The following FZR1 variants were observed in gnomAD, a reference collection of about 807,000 sequenced individuals.
FZR1 encodes fizzy and cell division cycle 20 related 1, also known as fizzy-related protein homolog.
Under a neutral mutation model 63.6 loss-of-function variants are expected in FZR1, and 11 were observed. The ratio of observed to expected loss-of-function variants is 0.17; its 90% CI spans 0.11 to 0.29. The LOEUF (loss-of-function observed/expected upper bound fraction) is 0.29. FZR1 is among the 10% of genes least tolerant of loss of function. The pLI, the probability that FZR1 is intolerant of heterozygous loss-of-function variation, is 1.00. For synonymous variants in FZR1, 328 were observed against 297.9 expected, an observed-to-expected ratio of 1.10 and a Z score of -1.04; for missense variants, 440 against 687.5, an observed-to-expected ratio of 0.64 and a Z score of 4.03.
chr19:3,524,550 A>C (rs1458873435), intron 2 of FZR1, among the ~76,000 whole-genome samples: 1 of 152,162 alleles, frequency 6.6e-6, no homozygotes, highest in African/African-American at 2.4e-5. Context: ...GGGAGATGTG[A>C]CAGCAGACGG....
At chr19:3,513,831 C>T (rs910355364) in intron 1 of FZR1, among the ~76,000 whole-genome samples, 6 of 152,150 alleles carry the variant, frequency 3.9e-5, no homozygotes, top group African/African-American at 1.4e-4. Flanking sequence ...TCCACTGGGC[C>T]AGGGTGGGGG....
chr19:3,525,176 C>T lies in FZR1; in HGVS notation c.70-692C>T, dbSNP rs1480157285. Reference sequence around the variant, plus strand: ...GCCTGCGTCTGTGATCATCTAGAGACGGTGAATGCATGGCACCTGCGCAGC... The same window carrying T: ...GCCTGCGTCTGTGATCATCTAGAGATGGTGAATGCATGGCACCTGCGCAGC... On this transcript the variant is annotated intron_variant, in intron 2 of 13. Transcript: ENST00000441788. The surrounding 1 kb of genome is among the most constrained non-coding windows in gnomAD (Gnocchi z 4.2). Among the ~76,000 whole-genome samples the T allele has an allele frequency of 5.9e-5, 9 of 152,112 alleles. No individual in the cohort carries two copies. In the South Asian group the frequency reaches 6.2e-4, roughly 10 times the overall value.
At chr19:3,518,013 T>C (rs903812475) in intron 1 of FZR1, among the ~76,000 whole-genome samples, 3 of 117,824 alleles carry the variant, frequency 2.5e-5, no homozygotes, top group East Asian at 2.0e-4. Flanking sequence ...GTTTCTTTCT[T>C]TTTTTTTTTT....
rs2083155209 is a variant in FZR1 at position 3,526,169 on chromosome 19, C to T, written c.245C>T (p.Ser82Leu). ...SQNRKAKDAT[S>L]DNGKDGLAYS... The stretch of plus-strand genomic sequence containing the variant: ...AACCGGAAAGCCAAGGACGCCACCT[C>T]AGACAACGGCAAAGGTTAGGGTCCC... Residue 82 changes from serine (S) to leucine (L), a missense_variant, in exon 4 of 14, where the codon TCA becomes TTA. By Grantham distance (145) the Ser-to-Leu change is moderately radical. Around this residue, in one of 5 missense-constraint regions of FZR1, gnomAD observed 200 missense variants for 245.1 expected, o/e 0.82. Transcript: ENST00000441788. This position sits in a 1 kb window ranked among gnomAD's most constrained non-coding sequence, Gnocchi z 5.4. 6.2e-7 allele frequency: 1 copy of T among 1,612,776 alleles called. No homozygotes were observed. The highest frequency in any genetic ancestry group is 8.5e-7 in the Non-Finnish European group (1 of 1,179,980).
chr19:3,529,749 C>CGGATGGGAGA (rs2083215175), intron 7 of FZR1, among the ~76,000 whole-genome samples: 1 of 82,632 alleles, frequency 1.2e-5, no homozygotes, highest in African/African-American at 5.4e-5. Flanking sequence ...GATGGGTGAG[C>CGGATGGGAGA]GCATGGGAGC....
chr19:3,529,832 A>G (rs112314702), intron 7 of FZR1, among the ~76,000 whole-genome samples: 926 of 66,168 alleles, frequency 0.014, 54 homozygotes, highest in African/African-American at 0.061. Context: ...GGGTGAGCGG[A>G]TGGGTGAGCG....
Position 3,516,899 on chromosome 19 carries a change from T to C in FZR1, c.-34-6057T>C, listed in dbSNP as rs1299098235. 6.6e-6 allele frequency among the ~76,000 whole-genome samples: 1 copy of C among 152,238 alleles called. No homozygotes were observed. Among genetic ancestry groups the C allele is most frequent in the Non-Finnish European group, 1.5e-5 (1 of 68,030 alleles). On this transcript the variant is annotated intron_variant, in intron 1 of 13. Coordinates refer to ENST00000441788, the MANE Select transcript of FZR1 (RefSeq NM_016263.4). This position sits in a 1 kb window ranked among gnomAD's most constrained non-coding sequence, Gnocchi z 6.0. ...AGCCATGTGCTGCTGGGCAGCGATG[T>C]GTGCCAGGGGCCGTGTGCAGCTGCA...
chr19:3,531,840 T>C, intron 9 of FZR1, 24 bp downstream of exon 9: 1 of 1,550,196 alleles, frequency 6.5e-7, no homozygotes, highest in Non-Finnish European at 8.7e-7. Flanking sequence ...GTCCCATGGC[T>C]GGTGAGCTCC....
rs543002870 is a variant in FZR1, at chr19:3,520,071, C to T, written c.-34-2885C>T. On this transcript the variant is annotated intron_variant, in intron 1 of 13. Transcript: ENST00000441788. ...TCCTGGGGCTCAGGTCTCTATAGAC[C>T]CTCTGGCTCCAGGCTCGGGAAATTG... Among the ~76,000 whole-genome samples, 19 of 152,326 alleles carry T rather than the reference C, an allele frequency of 1.2e-4. No homozygotes were observed. In the South Asian group the frequency reaches 3.7e-3, roughly 30 times the overall value.
Position 3,527,057 on chromosome 19 carries a change from C to T in FZR1, c.465C>T (p.Asn155=), listed in dbSNP as rs754880818. ...VSPYSLSPVS[N]KSQKLLRSPR... ...CCTACTCCCTGTCTCCCGTCAGCAA[C>T]AAGAGGTGGGTCCCAGCTTCCTCCG... Residue 155 remains asparagine, a synonymous_variant, in exon 6 of 14, where the codon AAC becomes AAT. Coordinates refer to ENST00000441788, the MANE Select transcript of FZR1 (RefSeq NM_016263.4). 6.2e-7 allele frequency: 1 copy of T among 1,608,384 alleles called. No homozygotes were observed. The highest frequency in any genetic ancestry group is 8.5e-7 in the Non-Finnish European group (1 of 1,175,822).
chr19:3,531,932 A>C lies in FZR1; in HGVS notation c.845A>C (p.Glu282Ala). Residue 282 changes from glutamate (E) to alanine (A), a missense_variant, in exon 10 of 14, where the codon GAG (glutamate) becomes GCG (alanine). This residue lies in a region of FZR1 where 208 missense variants were observed against 363.6 expected (regional missense o/e 0.57). Coordinates refer to ENST00000441788, the MANE Select transcript of FZR1 (RefSeq NM_016263.4). ...CCAGGGGCGCTGGCCTGGAATGCTG[A>C]GCAGCTGTCGTCCGGGAGCCGCGAC... ...ARVGALAWNA[E>A]QLSSGSRDRM... 1 of 1,595,634 alleles carries C rather than the reference A, an allele frequency of 6.3e-7. No homozygotes were observed. The highest frequency in any genetic ancestry group is 8.5e-7 in the Non-Finnish European group (1 of 1,174,096).
At position 3,515,275 on chromosome 19, in the gene FZR1, G is replaced by T. The variant is rs1217870838; in HGVS notation, c.-34-7681G>T. On this transcript the variant is annotated intron_variant, in intron 1 of 13. Transcript: ENST00000441788. The surrounding 1 kb of genome is among the most constrained non-coding windows in gnomAD (Gnocchi z 4.6). ...TGAGCCTTTCCACACGGCCACACACGTTGTCTGTGCTCAGGAATTACTTAA... is the reference window on the plus strand; with the variant it reads ...TGAGCCTTTCCACACGGCCACACACTTTGTCTGTGCTCAGGAATTACTTAA... Among the ~76,000 whole-genome samples the T allele has an allele frequency of 1.3e-5, 2 of 152,204 alleles. No homozygotes were observed. The highest frequency in any genetic ancestry group is 2.9e-5 in the Non-Finnish European group (2 of 68,034).
chr19:3,507,274 C>T (rs960961791), intron 1 of FZR1, among the ~76,000 whole-genome samples: 2 of 151,736 alleles, frequency 1.3e-5, no homozygotes, highest in Admixed American at 1.3e-4. Context: ...CTGCGTCCTG[C>T]CCCGTGTCTT....
chr19:3,534,761 G>A (rs1163164013), intron 13 of FZR1, 34 bp from the exon 14 acceptor site: 1 of 1,604,386 alleles, frequency 6.2e-7, no homozygotes. Context: ...TGGGCCTGCG[G>A]CTCAGCGCAT....
rs1232079170 is a variant in FZR1 at position 3,526,619 on chromosome 19, T to C, written c.387+233T>C. Among the ~76,000 whole-genome samples, 3 of 152,184 alleles carry C rather than the reference T, an allele frequency of 2.0e-5. No homozygotes were observed. The highest frequency in any genetic ancestry group is 4.4e-5 in the Non-Finnish European group (3 of 68,022). On this transcript the variant is annotated intron_variant, in intron 5 of 13. Transcript: ENST00000441788. The surrounding 1 kb of genome is among the most constrained non-coding windows in gnomAD (Gnocchi z 5.4). ...GTGCGGGAGGAATCCAGGCTCAGCC[T>C]GTTGGGCTTTTTCTCCCCACACCAA...
At chr19:3,531,689 G>C (rs997471622) in intron 8 of FZR1, 25 bp from the exon 9 acceptor site, 41 of 1,500,500 alleles carry the variant, frequency 2.7e-5, no homozygotes, top group Non-Finnish European at 3.7e-5. Flanking sequence ...TGACACCGGT[G>C]CTCTGCCCAT....
rs1392304854 is a variant in FZR1, at chr19:3,529,801, GGAGTGGATGGTT to G, written c.655-980_655-969del. Reference sequence around the variant, plus strand: ...GCGAGAGTGGATGAGAGTGGTTGAGGGAGTGGATGGTTGAGTGGATGGGTGAGCGGATGGGTG... The same window carrying G: ...GCGAGAGTGGATGAGAGTGGTTGAGGGAGTGGATGGGTGAGCGGATGGGTG... On this transcript the variant is annotated intron_variant, in intron 7 of 13. Coordinates refer to ENST00000441788, the MANE Select transcript of FZR1 (RefSeq NM_016263.4). 1.4e-3 allele frequency among the ~76,000 whole-genome samples: 183 copies of G among 132,202 alleles called. 10 individuals carry two copies. The highest frequency in any genetic ancestry group is 4.6e-3 in the African/African-American group (150 of 32,384). The allele number at this position is 132,202 out of a possible 152,430, so 86.7% of individuals were successfully genotyped here.
chr19:3,521,447 A>T (rs2083100613), intron 1 of FZR1: 1 of 151,464 alleles, frequency 6.6e-6, no homozygotes, highest in Admixed American at 6.6e-5. Context: ...AGTTCTAGAG[A>T]TGACCGTGGT....
Position 3,525,327 on chromosome 19 carries a change from G to C in FZR1, c.70-541G>C, listed in dbSNP as rs1285820709. ...ACCCTCCTGCCTGGCAGCGTTGGGA[G>C]GCTGAGCCTGCCCGTGGGCCTGGCA... On this transcript the variant is annotated intron_variant, in intron 2 of 13. Coordinates refer to ENST00000441788, the MANE Select transcript of FZR1 (RefSeq NM_016263.4). The surrounding 1 kb of genome is among the most constrained non-coding windows in gnomAD (Gnocchi z 4.2). 6.6e-6 allele frequency among the ~76,000 whole-genome samples: 1 copy of C among 152,064 alleles called. No homozygotes were observed. The highest frequency in any genetic ancestry group is 2.4e-5 in the African/African-American group (1 of 41,404).
Sources: gnomAD v4.1 joint callset for allele counts (sites outside exome capture counted in the v4.1 genomes callset) on GRCh38, gnomAD v4.1.1 for gene constraint, gnomAD v4.1.1 regional missense constraint, Gnocchi (gnomAD v3.1) non-coding constraint, MANE v1.5 for transcripts, NCBI Gene and HGNC (gene_info 2026-07-23, HGNC 2026-07-21) for gene names.